ALOX5: variants seen among roughly 807,000 people sequenced by gnomAD.
The protein encoded by ALOX5 is arachidonate 5-lipoxygenase.
A neutral mutation model predicts 87.9 loss-of-function variants in ALOX5; 64 were observed. The ratio of observed to expected loss-of-function variants is 0.73; its 90% CI spans 0.60 to 0.90. ALOX5 has a LOEUF of 0.90. Among genes scored for constraint, ALOX5 ranks in the 40% least tolerant of loss-of-function variants. The pLI is 0.00. For synonymous variants in ALOX5, 388 were observed against 355.1 expected (o/e 1.09, Z -1.04); for missense variants, 822 against 907.5 (o/e 0.91, Z 1.21).
chr10:45,440,053 AG>A (rs1035259628), intron 7 of ALOX5, among the ~76,000 whole-genome samples: 1 of 152,168 alleles, frequency 6.6e-6, no homozygotes, highest in African/African-American at 2.4e-5. Context: ...GCAGTAGAAG[AG>A]GGAGCAGGGC....
At chr10:45,420,656 C>G (rs1031980496) in intron 4 of ALOX5, among the ~76,000 whole-genome samples, 2 of 152,230 alleles carry the variant, frequency 1.3e-5, no homozygotes, top group African/African-American at 2.4e-5. Flanking sequence ...GTTTCCTCGC[C>G]GCTGCTTCTG....
chr10:45,374,562 C>T, intron 1 of ALOX5, 133 bp downstream of exon 1: 1 of 884,294 alleles, frequency 1.1e-6, no homozygotes, highest in Admixed American at 4.2e-5. Context: ...TGTCCAGGAC[C>T]CTGTCAGGGA....
At chr10:45,375,819 G>C (rs1487057242) in intron 1 of ALOX5, among the ~76,000 whole-genome samples, 1 of 152,214 alleles carries the variant, frequency 6.6e-6, no homozygotes, top group Non-Finnish European at 1.5e-5. Context: ...ACCTTCAGTT[G>C]CTTAGTTGCC....
At chr10:45,374,748 T>C (rs1260378336) in intron 1 of ALOX5, among the ~76,000 whole-genome samples, 1 of 152,172 alleles carries the variant, frequency 6.6e-6, no homozygotes, top group Non-Finnish European at 1.5e-5. Flanking sequence ...TCCCCTCCAC[T>C]TCAAGATCTG....
At position 45,382,499 on chromosome 10, in the gene ALOX5, T is replaced by G. The variant is rs1839868763; in HGVS notation, c.167T>G (p.Val56Gly). ...FERGAVDSYD[V>G]TVDEELGEIQ... ...CCTTCCCAGGTGGATTCATACGACGTGACTGTGGACGAGGAACTGGGCGAG... is the reference window on the plus strand; with the variant it reads ...CCTTCCCAGGTGGATTCATACGACGGGACTGTGGACGAGGAACTGGGCGAG... Residue 56 changes from valine (V) to glycine (G), a missense_variant, in exon 2 of 14, where the codon GTG becomes GGG. By Grantham distance (109) the Val-to-Gly change is moderately radical (BLOSUM62 -3). Coordinates refer to ENST00000374391, the MANE Select transcript of ALOX5 (RefSeq NM_000698.5). The G allele has an allele frequency of 6.2e-7, 1 of 1,614,064 alleles. No homozygotes were observed. Among genetic ancestry groups the G allele is most frequent in the South Asian group, 1.1e-5 (1 of 91,090 alleles).
At chr10:45,408,363 T>C (rs1840952307) in intron 3 of ALOX5, among the ~76,000 whole-genome samples, 1 of 152,102 alleles carries the variant, frequency 6.6e-6, no homozygotes, top group East Asian at 1.9e-4. Flanking sequence ...TTTGGAAAGG[T>C]GGGACAACTT....
Position 45,425,971 on chromosome 10 carries a change from A to C in ALOX5, c.834+839A>C, listed in dbSNP as rs1162832325. ...CCTGAATCTAGAGGGCCACCCACCCAGCTGAAGTCCCTGGGCAAGTCTCCT... is the reference window on the plus strand; with the variant it reads ...CCTGAATCTAGAGGGCCACCCACCCCGCTGAAGTCCCTGGGCAAGTCTCCT... On this transcript the variant is annotated intron_variant, in intron 6 of 13. Transcript: ENST00000374391. The surrounding 1 kb of genome is among the most constrained non-coding windows in gnomAD (Gnocchi z 4.4). Among the ~76,000 whole-genome samples the C allele has an allele frequency of 6.6e-6, 1 of 152,160 alleles. No individual in the cohort carries two copies. Among genetic ancestry groups the C allele is most frequent in the African/African-American group, 2.4e-5 (1 of 41,448 alleles).
chr10:45,437,347 T>C (rs1233291769), intron 7 of ALOX5, among the ~76,000 whole-genome samples: 1 of 152,244 alleles, frequency 6.6e-6, no homozygotes, highest in Non-Finnish European at 1.5e-5. Flanking sequence ...TGAGACTCCG[T>C]CTCAAATAAA....
intron 2 of ALOX5, among the ~76,000 whole-genome samples, chr10:45,393,003 C>A (rs1840347883): frequency 6.6e-6 from 1 of 152,190 alleles, no homozygotes; most frequent in African/African-American, 2.4e-5. Context: ...GATGGATTCA[C>A]AGCCGAATTC....
At position 45,395,606 on chromosome 10, in the gene ALOX5, TAA is replaced by T. The variant is rs5784682; in HGVS notation, c.350-237_350-236del. On this transcript the variant is annotated intron_variant, in intron 2 of 13. Transcript: ENST00000374391. Reference sequence around the variant, plus strand: ...TGTATCCTAGAACTTAAAGTAGAATTAAAAAAAAAAAAAGAAAATTCACTAAT... The same window carrying T: ...TGTATCCTAGAACTTAAAGTAGAATTAAAAAAAAAAAGAAAATTCACTAAT... Among the ~76,000 whole-genome samples, 152 of 148,358 alleles carry T rather than the reference TAA, an allele frequency of 1.0e-3. 1 individual carries two copies. The East Asian group carries it at 0.013, about 13-fold the overall frequency.
intron 4 of ALOX5, among the ~76,000 whole-genome samples, chr10:45,416,793 C>T (rs544467131): frequency 7.9e-5 from 12 of 151,582 alleles, no homozygotes; most frequent in Non-Finnish European, 1.2e-4. Context: ...AATTGATATA[C>T]GGATGGATGG....
At chr10:45,443,666 T>C in intron 11 of ALOX5, 62 bp from the exon 12 acceptor site, 1 of 1,588,962 alleles carries the variant, frequency 6.3e-7, no homozygotes, top group Non-Finnish European at 8.6e-7. Flanking sequence ...GGGCACGGGG[T>C]GGGCGCCGGG....
intron 3 of ALOX5, among the ~76,000 whole-genome samples, chr10:45,397,271 T>A (rs1840547796): frequency 6.6e-6 from 1 of 152,130 alleles, no homozygotes; most frequent in Admixed American, 6.5e-5. Flanking sequence ...TCCCAGCTAC[T>A]CAGGAGGCTG....
intron 7 of ALOX5, among the ~76,000 whole-genome samples, chr10:45,434,610 T>C (rs1842009052): frequency 6.6e-6 from 1 of 152,214 alleles, no homozygotes; most frequent in African/African-American, 2.4e-5. Flanking sequence ...CGTATACAAA[T>C]AGCTCCTTCA....
chr10:45,391,574 C>A (rs910694055), intron 2 of ALOX5, among the ~76,000 whole-genome samples: 1 of 151,154 alleles, frequency 6.6e-6, no homozygotes, highest in Non-Finnish European at 1.5e-5. Flanking sequence ...ATGTAAGGAG[C>A]CCCTCTGCCT....
chr10:45,413,000 A>G (rs1043376884), intron 4 of ALOX5, among the ~76,000 whole-genome samples: 4 of 152,134 alleles, frequency 2.6e-5, no homozygotes, highest in African/African-American at 7.2e-5. Context: ...AAATCTGCAC[A>G]TTGACCCTAT....
chr10:45,415,235 C>G (rs546524034), intron 4 of ALOX5, among the ~76,000 whole-genome samples: 1 of 152,218 alleles, frequency 6.6e-6, no homozygotes, highest in Non-Finnish European at 1.5e-5. Flanking sequence ...CACATATGCA[C>G]TATGGAATAC....
intron 4 of ALOX5, among the ~76,000 whole-genome samples, chr10:45,417,663 C>T (rs1312358797): frequency 1.3e-5 from 2 of 152,296 alleles, no homozygotes; most frequent in South Asian, 2.1e-4. Context: ...TTGGTTGGCT[C>T]AATTGCAGGT....
At chr10:45,418,319 C>G (rs998188382) in intron 4 of ALOX5, among the ~76,000 whole-genome samples, 13 of 152,134 alleles carry the variant, frequency 8.5e-5, no homozygotes, top group Admixed American at 8.5e-4. Context: ...GGAAAGTCGT[C>G]TAAGTTCCCT....
Sources: allele counts gnomAD v4.1 joint callset (sites outside exome capture counted in the v4.1 genomes callset), GRCh38; gene constraint gnomAD v4.1.1; non-coding constraint Gnocchi (gnomAD v3.1); transcripts MANE v1.5; gene names NCBI Gene and HGNC (gene_info 2026-07-23, HGNC 2026-07-21).